NUMB: variants seen among roughly 807,000 people sequenced by gnomAD.
NUMB encodes the protein NUMB endocytic adaptor protein, also known as protein numb homolog.
Under a neutral mutation model 59.7 loss-of-function variants are expected in NUMB, and 29 were observed. The ratio of observed to expected loss-of-function variants is 0.49; its 90% CI spans 0.36 to 0.66. The LOEUF (loss-of-function observed/expected upper bound fraction) is 0.66. Among genes scored for constraint, NUMB ranks in the 30% least tolerant of loss-of-function variants. The pLI is 0.00. For synonymous variants in NUMB, 288 were observed against 288.2 expected, an observed-to-expected ratio of 1.00 and a Z score of 0.01; for missense variants, 723 against 822.0, an observed-to-expected ratio of 0.88 and a Z score of 1.47.
chr14:73,344,809 T>C (rs531919082), intron 4 of NUMB, among the ~76,000 whole-genome samples: 1 of 152,368 alleles, frequency 6.6e-6, no homozygotes, highest in African/African-American at 2.4e-5. Flanking sequence ...GCATGCCATA[T>C]GTTCTACATA....
At chr14:73,397,152 A>G (rs894062932) in intron 2 of NUMB, among the ~76,000 whole-genome samples, 4 of 151,918 alleles carry the variant, frequency 2.6e-5, no homozygotes, top group Non-Finnish European at 4.4e-5. Context: ...AAACAAAACA[A>G]AATAACCACA....
intron 1 of NUMB, among the ~76,000 whole-genome samples, chr14:73,423,253 A>T (rs1475633102): frequency 6.6e-6 from 1 of 151,890 alleles, no homozygotes; most frequent in Admixed American, 6.6e-5. Flanking sequence ...TAATCCCAGC[A>T]CTTTGGGAGG....
intron 2 of NUMB, among the ~76,000 whole-genome samples, chr14:73,384,251 G>T (rs1895388408): frequency 6.6e-6 from 1 of 151,488 alleles, no homozygotes; most frequent in Non-Finnish European, 1.5e-5. Flanking sequence ...ACCATGCCCA[G>T]CTAATTTTTT....
At chr14:73,352,174 TAC>T (rs1893330062) in intron 4 of NUMB, among the ~76,000 whole-genome samples, 1 of 151,618 alleles carries the variant, frequency 6.6e-6, no homozygotes, top group Non-Finnish European at 1.5e-5. Flanking sequence ...CTTTCTGCAT[TAC>T]AGTTTTCCTT....
chr14:73,350,078 T>TACACACACACACACACACACAC (rs71112732), intron 4 of NUMB, among the ~76,000 whole-genome samples: 2 of 137,762 alleles, frequency 1.5e-5, no homozygotes, highest in African/African-American at 5.8e-5. Flanking sequence ...CATACATACA[T>TACACACACACACACACACACAC]ACACACACAC....
intron 12 of NUMB, among the ~76,000 whole-genome samples, chr14:73,278,699 C>G (rs891604630): frequency 7.0e-6 from 1 of 143,792 alleles, no homozygotes; most frequent in Non-Finnish European, 1.5e-5. Context: ...GTGATGGATT[C>G]TCTGAGGTGG....
At chr14:73,414,163 G>A (rs933631278) in intron 1 of NUMB, among the ~76,000 whole-genome samples, 6 of 151,924 alleles carry the variant, frequency 3.9e-5, no homozygotes, top group Middle Eastern at 3.4e-3. Flanking sequence ...CACCATGTTG[G>A]CCAGGCTGGT....
intron 2 of NUMB, among the ~76,000 whole-genome samples, chr14:73,401,033 G>A (rs1473924371): frequency 2.0e-5 from 3 of 152,280 alleles, no homozygotes; most frequent in East Asian, 3.9e-4. Flanking sequence ...AGGACACAAC[G>A]TGGGGCTTGC....
At position 73,292,911 on chromosome 14, in the gene NUMB, T is replaced by G. The variant is rs114433477; in HGVS notation, c.310-37A>C. On this transcript the variant is annotated intron_variant, in intron 7 of 12. Transcript: ENST00000555238. ...GACACACAAAGAAAGAGAAGACTTA[T>G]GAGGTTATCTGAGCTTCTCAGAACA... is the stretch of plus-strand genomic sequence containing the variant. 2.6e-4 allele frequency: 423 copies of G among 1,604,300 alleles called. 1 individual carries two copies. The African/African-American group carries it at 4.7e-3, about 18-fold the overall frequency.
At chr14:73,357,019 T>A in intron 3 of NUMB, 1 of 969,206 alleles carries the variant, frequency 1.0e-6, no homozygotes, top group Non-Finnish European at 1.2e-6. Flanking sequence ...TTGCAAGCAG[T>A]ATGACATCAG....
At chr14:73,356,225 A>C (rs1893773918) in intron 3 of NUMB, among the ~76,000 whole-genome samples, 3 of 152,240 alleles carry the variant, frequency 2.0e-5, no homozygotes, top group Admixed American at 2.0e-4. Context: ...TAAGAAAAAA[A>C]TCATTCTGAA....
chr14:73,411,469 A>C (rs558873365), intron 1 of NUMB, among the ~76,000 whole-genome samples: 29 of 152,306 alleles, frequency 1.9e-4, no homozygotes, highest in African/African-American at 7.0e-4. Context: ...ACCTTCCAGG[A>C]GACAAAAAAA....
intron 1 of NUMB, among the ~76,000 whole-genome samples, chr14:73,421,629 C>G (rs1263458572): frequency 1.3e-5 from 2 of 151,986 alleles, no homozygotes; most frequent in Non-Finnish European, 2.9e-5. Flanking sequence ...GACAAATAAG[C>G]TGAATAGGAA....
At chr14:73,396,543 T>TTG (rs1326528584) in intron 2 of NUMB, among the ~76,000 whole-genome samples, 2 of 152,004 alleles carry the variant, frequency 1.3e-5, no homozygotes, top group Non-Finnish European at 2.9e-5. Flanking sequence ...TTGTTGTTTT[T>TTG]TTGTTTTGGA....
At chr14:73,395,031 G>C (rs1271670561) in intron 2 of NUMB, among the ~76,000 whole-genome samples, 1 of 90,224 alleles carries the variant, frequency 1.1e-5, no homozygotes, top group East Asian at 3.5e-4. Context: ...AATAGTATTC[G>C]TGTGTTTGTG....
chr14:73,336,294 A>G (rs1234359217), intron 4 of NUMB, among the ~76,000 whole-genome samples: 1 of 152,188 alleles, frequency 6.6e-6, no homozygotes, highest in East Asian at 1.9e-4. Context: ...TTCTTCTTTA[A>G]AACAAAGAGA....
chr14:73,307,884 C>T (rs1442582181), intron 6 of NUMB, among the ~76,000 whole-genome samples: 1 of 152,038 alleles, frequency 6.6e-6, no homozygotes, highest in Non-Finnish European at 1.5e-5. Flanking sequence ...AGGCGCCCGC[C>T]ACCACGCCCG....
At chr14:73,386,329 A>C (rs746394671) in intron 2 of NUMB, among the ~76,000 whole-genome samples, 1 of 152,214 alleles carries the variant, frequency 6.6e-6, no homozygotes, top group African/African-American at 2.4e-5. Context: ...ATTGCAGGTA[A>C]TTAAATATTT....
At chr14:73,383,984 T>C (rs1003718270) in intron 2 of NUMB, among the ~76,000 whole-genome samples, 4 of 151,720 alleles carry the variant, frequency 2.6e-5, no homozygotes, top group Non-Finnish European at 5.9e-5. Flanking sequence ...GCCACTGCAC[T>C]CCAGCCTGGG....
Sources: gnomAD v4.1 joint callset for allele counts (sites outside exome capture counted in the v4.1 genomes callset) on GRCh38, gnomAD v4.1.1 for gene constraint, MANE v1.5 for transcripts, NCBI Gene and HGNC (gene_info 2026-07-23, HGNC 2026-07-21) for gene names.